Variants in CNNM2 observed in about 807,000 individuals in gnomAD.
CNNM2 encodes cyclin and CBS domain divalent metal cation transport mediator 2, also known as metal transporter CNNM2.
In CNNM2, 12 loss-of-function variants were observed where a neutral mutation model predicts 66.9. The observed-to-expected ratio is 0.18, with a 90% CI of 0.11 to 0.29. The LOEUF (loss-of-function observed/expected upper bound fraction) is 0.29, where lower values mean the gene tolerates loss of function less well. Among genes scored for constraint, CNNM2 ranks in the 10% least tolerant of loss-of-function variants. The pLI is 1.00. For synonymous variants in CNNM2, 557 were observed against 501.8 expected, an observed-to-expected ratio of 1.11 and a Z score of -1.47; for missense variants, 705 against 1,167.7, an observed-to-expected ratio of 0.60 and a Z score of 5.77.
rs963971402 is a variant in CNNM2 at position 103,078,083 on chromosome 10, T to C, written c.*903T>C. ...CGCCCACCTCCCTGGTCCTTGCTCT[T>C]GTTAACCCAAGATGCTGCTACACAG... On this transcript the variant is annotated 3_prime_UTR_variant, in exon 8 of 8. Coordinates refer to ENST00000369878, the MANE Select transcript of CNNM2 (RefSeq NM_017649.5). The C allele has an allele frequency of 2.6e-5, 4 of 152,452 alleles. No individual in the cohort carries two copies. Among genetic ancestry groups the C allele is most frequent in the African/African-American group, 9.7e-5 (4 of 41,408 alleles). The allele number at this position is 152,452 out of a possible 1,614,324, so 9.4% of individuals were successfully genotyped here.
chr10:103,035,903 G>A (rs1040488112), intron 1 of CNNM2, among the ~76,000 whole-genome samples: 1 of 152,180 alleles, frequency 6.6e-6, no homozygotes, highest in African/African-American at 2.4e-5. Flanking sequence ...TACTTTCTGT[G>A]TCTGCTGTTG....
At chr10:103,023,762 T>G (rs2064641493) in intron 1 of CNNM2, among the ~76,000 whole-genome samples, 1 of 152,186 alleles carries the variant, frequency 6.6e-6, no homozygotes, top group African/African-American at 2.4e-5. Context: ...ATGGAATCAT[T>G]AAAAATTATA....
intron 1 of CNNM2, among the ~76,000 whole-genome samples, chr10:102,942,766 G>T (rs1814486347): frequency 6.6e-6 from 1 of 152,170 alleles, no homozygotes; most frequent in South Asian, 2.1e-4. Context: ...CATTATAACA[G>T]TCTAAAAGTC....
intron 1 of CNNM2, among the ~76,000 whole-genome samples, chr10:103,014,193 C>T (rs902892114): frequency 2.0e-5 from 3 of 152,162 alleles, no homozygotes; most frequent in African/African-American, 7.2e-5. Context: ...TAATTGCATG[C>T]CTATTGGGTA....
intron 4 of CNNM2, among the ~76,000 whole-genome samples, chr10:103,065,219 G>A (rs1239003226): frequency 6.6e-6 from 1 of 152,186 alleles, no homozygotes; most frequent in African/African-American, 2.4e-5. Context: ...TCCAGGGCTG[G>A]GGCCATTGTT....
chr10:103,040,385 C>G (rs2065017996), intron 1 of CNNM2, among the ~76,000 whole-genome samples: 1 of 151,786 alleles, frequency 6.6e-6, no homozygotes, highest in African/African-American at 2.4e-5. Context: ...AAAGTCAAGT[C>G]TGGGCGGATG....
intron 1 of CNNM2, among the ~76,000 whole-genome samples, chr10:102,931,156 C>T (rs1391963601): frequency 6.6e-6 from 1 of 152,104 alleles, no homozygotes; most frequent in Non-Finnish European, 1.5e-5. Flanking sequence ...TTCCATTGGT[C>T]TGTACTGGGC....
intron 1 of CNNM2, among the ~76,000 whole-genome samples, chr10:102,944,066 G>A: frequency 6.7e-6 from 1 of 150,204 alleles, no homozygotes; most frequent in African/African-American, 2.4e-5. Flanking sequence ...TAATCTTTAA[G>A]TTGCTACTTT....
intron 1 of CNNM2, among the ~76,000 whole-genome samples, chr10:102,981,444 C>G (rs2134230563): frequency 6.6e-6 from 1 of 151,560 alleles, no homozygotes; most frequent in Admixed American, 6.6e-5. Flanking sequence ...TGTTGGTTTA[C>G]TCACTTATCT....
intron 1 of CNNM2, among the ~76,000 whole-genome samples, chr10:102,944,405 C>A (rs1846537164): frequency 6.6e-6 from 1 of 152,078 alleles, no homozygotes; most frequent in African/African-American, 2.4e-5. Flanking sequence ...TAGTACCTGT[C>A]TGGAAAATGC....
chr10:103,049,599 T>G, intron 1 of CNNM2, 108 bp from the exon 2 acceptor site: 1 of 1,049,666 alleles, frequency 9.5e-7, no homozygotes, highest in Non-Finnish European at 1.4e-6. Flanking sequence ...AAACAGAGAT[T>G]TTGATAATTC....
chr10:103,006,062 ATTTC>A (rs936710074), intron 1 of CNNM2, among the ~76,000 whole-genome samples: 28 of 151,966 alleles, frequency 1.8e-4, no homozygotes, highest in African/African-American at 6.8e-4. Flanking sequence ...TTCCGAGGTT[ATTTC>A]TTTCTCTTTC....
At chr10:102,953,423 AT>A (rs1473413931) in intron 1 of CNNM2, among the ~76,000 whole-genome samples, 2 of 151,824 alleles carry the variant, frequency 1.3e-5, no homozygotes, top group East Asian at 3.9e-4. Flanking sequence ...CACCTGGCTA[AT>A]TTTTTTGTAT....
intron 5 of CNNM2, among the ~76,000 whole-genome samples, chr10:103,071,133 A>C (rs1044544276): frequency 6.6e-6 from 1 of 152,208 alleles, no homozygotes; most frequent in African/African-American, 2.4e-5. Flanking sequence ...CTTAAGACCT[A>C]CCTGCCCCAG....
At chr10:103,068,461 C>T (rs1333163969) in intron 4 of CNNM2, 168 bp from the exon 5 acceptor site, 12 of 624,704 alleles carry the variant, frequency 1.9e-5, no homozygotes, top group East Asian at 5.6e-5. Context: ...ATATTTAAAG[C>T]GAATGAGCCC....
chr10:103,021,361 C>T (rs1274158926), intron 1 of CNNM2, among the ~76,000 whole-genome samples: 1 of 152,162 alleles, frequency 6.6e-6, no homozygotes, highest in Admixed American at 6.5e-5. Context: ...CCTGAGTCTT[C>T]AGCAGAGTCC....
rs1273887013 is a variant in CNNM2, at chr10:103,045,369, A to C, written c.1622-4338A>C. Reference sequence around the variant, plus strand: ...TCTAAACTTCTAGGCTTGTAGACACAGCTGCCTAGAAGGGGGTCTGAGGCA... The same window carrying C: ...TCTAAACTTCTAGGCTTGTAGACACCGCTGCCTAGAAGGGGGTCTGAGGCA... On this transcript the variant is annotated intron_variant, in intron 1 of 7. Transcript: ENST00000369878. 2.6e-5 allele frequency among the ~76,000 whole-genome samples: 4 copies of C among 152,218 alleles called. No homozygotes were observed. The East Asian group carries it at 7.7e-4, about 29-fold the overall frequency.
chr10:103,052,287 A>G (rs112066714), intron 2 of CNNM2, among the ~76,000 whole-genome samples: 1 of 150,302 alleles, frequency 6.7e-6, no homozygotes, highest in Non-Finnish European at 1.5e-5. Flanking sequence ...CTCAAAAAAA[A>G]AAACAAAAAA....
chr10:102,979,318 T>C (rs2063684665), intron 1 of CNNM2, among the ~76,000 whole-genome samples: 2 of 152,228 alleles, frequency 1.3e-5, no homozygotes, highest in Non-Finnish European at 2.9e-5. Context: ...ATAGCTGAAA[T>C]TCTTACAGTG....
Sources: allele counts gnomAD v4.1 joint callset (sites outside exome capture counted in the v4.1 genomes callset), GRCh38; gene constraint gnomAD v4.1.1; transcripts MANE v1.5; gene names NCBI Gene and HGNC (gene_info 2026-07-23, HGNC 2026-07-21).